Variants in OTOGL observed in about 807,000 individuals in gnomAD.
OTOGL encodes the protein otogelin-like protein.
Under a neutral mutation model 318.5 loss-of-function variants are expected in OTOGL, and 285 were observed. The observed-to-expected ratio is 0.89, with a 90% CI of 0.81 to 0.99. The LOEUF is 0.99. OTOGL is among the 50% of genes least tolerant of loss of function. The pLI is 0.00. For missense variants in OTOGL, 2,899 were observed against 2,845.6 expected, an observed-to-expected ratio of 1.02 and a Z score of -0.43; for synonymous variants, 987 against 936.5, an observed-to-expected ratio of 1.05 and a Z score of -0.99.
At chr12:80,305,807 TA>T in intron 29 of OTOGL, 112 bp downstream of exon 29, 1 of 899,704 alleles carries the variant, frequency 1.1e-6, no homozygotes, top group Non-Finnish European at 1.5e-6. Context: ...ATTTTCATAG[TA>T]ATTTATAGCT....
intron 44 of OTOGL, among the ~76,000 whole-genome samples, chr12:80,351,332 T>C (rs116577173): frequency 0.011 from 1,705 of 152,134 alleles, 32 homozygotes; most frequent in African/African-American, 0.039. Flanking sequence ...TTTGTTTGTG[T>C]TTGAGATACA....
At chr12:80,154,175 G>A (rs955103281) in intron 1 of OTOGL, among the ~76,000 whole-genome samples, 1 of 152,118 alleles carries the variant, frequency 6.6e-6, no homozygotes, top group East Asian at 1.9e-4. Flanking sequence ...CAGGCATGGT[G>A]GCTCACGCCT....
In OTOGL at chr12:80,370,764, C is replaced by T. The variant is rs756378104; in HGVS notation, c.6735+75C>T. ...AATACACATTGATATTTTCTAAGGT[C>T]ATACTTTCATTGTGGCTTATACATA... On this transcript the variant is annotated intron_variant, in intron 56 of 58. Transcript: ENST00000547103. The T allele has an allele frequency of 1.3e-5, 15 of 1,126,030 alleles. No homozygotes were observed. In the Admixed American group the frequency reaches 3.9e-4, roughly 29 times the overall value. 69.8% of individuals were successfully genotyped at this position (1,126,030 alleles called of 1,614,324 possible).
rs1879783121 is a variant in OTOGL, at chr12:80,235,683, A to G, written c.817+2586A>G. On this transcript the variant is annotated intron_variant, in intron 9 of 58. Transcript: ENST00000547103. ...TAGTGAGCCAACTGGGGCAGCATGC[A>G]CAAGGGTGTCAGTCTGCCAGAGGAA... 2.0e-5 allele frequency among the ~76,000 whole-genome samples: 3 copies of G among 152,218 alleles called. No homozygotes were observed. In the Middle Eastern group the frequency reaches 0.01, roughly 518 times the overall value.
chr12:80,255,061 A>G lies in OTOGL; in HGVS notation c.1463A>G (p.Asp488Gly). Residue 488 changes from aspartate to glycine, a missense_variant, in exon 16 of 59, where the codon GAT (aspartate) becomes GGT (glycine). By Grantham distance (94) the Asp-to-Gly change is moderately conservative. Transcript: ENST00000547103. ...DCPVQCSVVG[D>G]SHFTTFDGRH... ...GCAGTTCAATGCTCAGTTGTAGGTGATTCTCACTTTACAACTTTTGATGGT... is the reference window on the plus strand; with the variant it reads ...GCAGTTCAATGCTCAGTTGTAGGTGGTTCTCACTTTACAACTTTTGATGGT... The G allele has an allele frequency of 6.7e-7, 1 of 1,498,288 alleles. No individual in the cohort carries two copies. The highest frequency in any genetic ancestry group is 8.9e-7 in the Non-Finnish European group (1 of 1,128,032). The allele number at this position is 1,498,288 out of a possible 1,614,324, so 92.8% of individuals were successfully genotyped here.
At chr12:80,249,216 G>A (rs988094586) in intron 11 of OTOGL, among the ~76,000 whole-genome samples, 13 of 148,732 alleles carry the variant, frequency 8.7e-5, no homozygotes, top group East Asian at 3.9e-4. Flanking sequence ...GAGGAACTGC[G>A]TTCCTTTGGA....
At chr12:80,198,455 G>A (rs1197375312) in intron 1 of OTOGL, among the ~76,000 whole-genome samples, 2 of 151,998 alleles carry the variant, frequency 1.3e-5, no homozygotes, top group African/African-American at 4.8e-5. Context: ...ATGGTGGCAC[G>A]TGCCTGTAAT....
chr12:80,328,227 G>A (rs1301003129), intron 35 of OTOGL, among the ~76,000 whole-genome samples: 4 of 151,936 alleles, frequency 2.6e-5, no homozygotes, highest in Admixed American at 6.6e-5. Flanking sequence ...GCTGAGGTGG[G>A]AAGACCACCT....
chr12:80,198,536 A>T (rs1359759685), intron 1 of OTOGL, among the ~76,000 whole-genome samples: 1 of 152,198 alleles, frequency 6.6e-6, no homozygotes, highest in Non-Finnish European at 1.5e-5. Flanking sequence ...GTGAGCCGAG[A>T]TCATGCTACT....
chr12:80,213,317 G>A lies in OTOGL; in HGVS notation c.168+1320G>A, dbSNP rs558735385. 3.6e-3 allele frequency among the ~76,000 whole-genome samples: 553 copies of A among 152,352 alleles called. 7 individuals are homozygous for A. The highest frequency in any genetic ancestry group is 0.013 in the African/African-American group (529 of 41,580). On this transcript the variant is annotated intron_variant, in intron 4 of 58. Coordinates refer to ENST00000547103, the MANE Select transcript of OTOGL (RefSeq NM_001378609.3). ...CATTATAACTAGAGTATAATGAGCA[G>A]TGAGGACAACCAGAGGTTACTTTCA...
intron 26 of OTOGL, among the ~76,000 whole-genome samples, chr12:80,290,727 A>G (rs1036042336): frequency 6.6e-6 from 1 of 152,230 alleles, no homozygotes; most frequent in Non-Finnish European, 1.5e-5. Context: ...TTCATGTTTC[A>G]GCATCTCTAC....
intron 52 of OTOGL, among the ~76,000 whole-genome samples, chr12:80,361,386 G>A (rs1366477147): frequency 6.6e-6 from 1 of 151,914 alleles, no homozygotes; most frequent in Non-Finnish European, 1.5e-5. Flanking sequence ...TCATCCTTTG[G>A]TGGACACTTG....
chr12:80,157,092 G>A (rs1340154612), intron 1 of OTOGL, among the ~76,000 whole-genome samples: 1 of 151,852 alleles, frequency 6.6e-6, no homozygotes, highest in African/African-American at 2.4e-5. Flanking sequence ...CCACATCCTC[G>A]CCAGCATTTG....
At chr12:80,342,709 G>T (rs1267368435) in intron 44 of OTOGL, among the ~76,000 whole-genome samples, 1 of 152,064 alleles carries the variant, frequency 6.6e-6, no homozygotes, top group Non-Finnish European at 1.5e-5. Flanking sequence ...TGAGCATCTA[G>T]TACATAGAAA....
intron 1 of OTOGL, among the ~76,000 whole-genome samples, chr12:80,176,994 C>T (rs1874574848): frequency 6.6e-6 from 1 of 151,864 alleles, no homozygotes; most frequent in Non-Finnish European, 1.5e-5. Context: ...ATCCATTTAT[C>T]TTCTTTTGTT....
At chr12:80,147,228 G>A (rs9738869) in intron 1 of OTOGL, among the ~76,000 whole-genome samples, 62,036 of 148,230 alleles carry the variant, frequency 0.42, 13,019 homozygotes, top group East Asian at 0.48. Context: ...TGCTTTGAAT[G>A]CGTCCCAGAG....
At chr12:80,100,573 A>T (rs896283992) in intron 1 of OTOGL, among the ~76,000 whole-genome samples, 6 of 152,148 alleles carry the variant, frequency 3.9e-5, no homozygotes, top group Non-Finnish European at 7.4e-5. Context: ...TATAAAACAC[A>T]TTGTTTTTCA....
At chr12:80,240,777 GA>G (rs1223789350) in intron 11 of OTOGL, among the ~76,000 whole-genome samples, 4 of 152,022 alleles carry the variant, frequency 2.6e-5, no homozygotes, top group African/African-American at 9.7e-5. Flanking sequence ...CTCAGGTTGT[GA>G]ACATCTAGGA....
At chr12:80,243,355 A>C (rs1880546496) in intron 11 of OTOGL, among the ~76,000 whole-genome samples, 1 of 152,092 alleles carries the variant, frequency 6.6e-6, no homozygotes, top group Non-Finnish European at 1.5e-5. Flanking sequence ...ATGAAAGGAA[A>C]ATCAATCATT....
Sources: allele counts gnomAD v4.1 joint callset (sites outside exome capture counted in the v4.1 genomes callset), GRCh38; gene constraint gnomAD v4.1.1; transcripts MANE v1.5; gene names NCBI Gene and HGNC (gene_info 2026-07-23, HGNC 2026-07-21).